The following SLC24A2 variants were observed in gnomAD, a reference collection of about 807,000 sequenced individuals.
The protein encoded by SLC24A2 is sodium/potassium/calcium exchanger 2.
SLC24A2 carries 36 observed loss-of-function variants against 62.0 expected under a neutral mutation model. The ratio of observed to expected loss-of-function variants is 0.58; its 90% CI spans 0.44 to 0.77. The LOEUF (loss-of-function observed/expected upper bound fraction) is 0.77, where lower values mean the gene tolerates loss of function less well. SLC24A2 is among the 30% of genes least tolerant of loss of function. SLC24A2 has a pLI of 0.00. For missense variants in SLC24A2, 846 were observed against 817.9 expected (o/e 1.03, Z -0.42); for synonymous variants, 358 against 294.0 (o/e 1.22, Z -2.23).
chr9:19,712,140 C>T (rs536424230), intron 2 of SLC24A2, among the ~76,000 whole-genome samples: 8 of 152,160 alleles, frequency 5.3e-5, no homozygotes, highest in Non-Finnish European at 1.0e-4. Context: ...ATACAGAAAA[C>T]GGCTCCAGAG....
the SLC24A2 span, among the ~76,000 whole-genome samples, chr9:20,057,119 T>A: frequency 6.6e-6 from 1 of 152,200 alleles, no homozygotes; most frequent in Non-Finnish European, 1.5e-5. Flanking sequence ...GCATGTGCAT[T>A]TGCATACATC....
chr9:20,011,755 A>T, the SLC24A2 span, among the ~76,000 whole-genome samples: 1 of 152,196 alleles, frequency 6.6e-6, no homozygotes, highest in Non-Finnish European at 1.5e-5. Context: ...ACCAAGACAC[A>T]TCATAAACAA....
the SLC24A2 span, among the ~76,000 whole-genome samples, chr9:20,301,773 A>T: frequency 6.6e-6 from 1 of 152,150 alleles, no homozygotes; most frequent in Non-Finnish European, 1.5e-5. Context: ...CATGGTTTAC[A>T]TTAGGGTTCA....
At chr9:20,252,492 G>A in the SLC24A2 span, among the ~76,000 whole-genome samples, 7 of 152,058 alleles carry the variant, frequency 4.6e-5, no homozygotes, top group Non-Finnish European at 7.4e-5. Context: ...ACTACACCAC[G>A]TGACTTTCAC....
chr9:19,700,675 G>C lies in SLC24A2; in HGVS notation c.931-78376C>G, dbSNP rs1007724081. 2.6e-5 allele frequency among the ~76,000 whole-genome samples: 4 copies of C among 152,110 alleles called. No homozygotes were observed. In the South Asian group the frequency reaches 8.3e-4, roughly 32 times the overall value. ...AAGAACGTCCTTGCTTTGGTAGGCT[G>C]AAATTATTTCAGCAATTAGATCTCC... is the stretch of plus-strand genomic sequence containing the variant. On this transcript the variant is annotated intron_variant, in intron 2 of 10. Coordinates refer to ENST00000341998, the MANE Select transcript of SLC24A2 (RefSeq NM_020344.4).
the SLC24A2 span, among the ~76,000 whole-genome samples, chr9:19,963,059 C>A: frequency 2.0e-5 from 3 of 152,020 alleles, no homozygotes; most frequent in Non-Finnish European, 1.5e-5. Flanking sequence ...TCAGAAATAA[C>A]GCCGCATATC....
the SLC24A2 span, among the ~76,000 whole-genome samples, chr9:19,966,344 C>T: frequency 6.6e-6 from 1 of 152,062 alleles, no homozygotes; most frequent in Non-Finnish European, 1.5e-5. Context: ...TATTTGTGTG[C>T]ATATAATAAT....
the SLC24A2 span, among the ~76,000 whole-genome samples, chr9:20,179,336 G>A: frequency 6.6e-6 from 1 of 152,136 alleles, no homozygotes; most frequent in Non-Finnish European, 1.5e-5. Flanking sequence ...AAGCACGCTA[G>A]AGAATGAGAA....
intron 2 of SLC24A2, among the ~76,000 whole-genome samples, chr9:19,716,020 A>G (rs1820850588): frequency 1.3e-5 from 2 of 152,230 alleles, no homozygotes; most frequent in African/African-American, 2.4e-5. Context: ...TGGGCAAAAT[A>G]TACAACTTAC....
intron 2 of SLC24A2, among the ~76,000 whole-genome samples, chr9:19,706,739 G>C (rs2118565864): frequency 6.6e-6 from 1 of 152,196 alleles, no homozygotes; most frequent in South Asian, 2.1e-4. Context: ...CAGAACCTCT[G>C]GGACACATTC....
chr9:20,007,113 T>C, the SLC24A2 span, among the ~76,000 whole-genome samples: 2 of 152,166 alleles, frequency 1.3e-5, no homozygotes, highest in Non-Finnish European at 2.9e-5. Context: ...AGATGACAGC[T>C]GATAAAGTTT....
the SLC24A2 span, among the ~76,000 whole-genome samples, chr9:20,231,988 A>G: frequency 6.6e-6 from 1 of 152,192 alleles, no homozygotes; most frequent in Non-Finnish European, 1.5e-5. Context: ...ATCTATTGAG[A>G]TAATCATGTG....
chr9:20,273,152 C>A, the SLC24A2 span, among the ~76,000 whole-genome samples: 714 of 152,296 alleles, frequency 4.7e-3, 10 homozygotes, highest in Non-Finnish European at 5.4e-3. Flanking sequence ...GAGCACAGGA[C>A]ACACTGCCCC....
At chr9:20,273,824 C>T in the SLC24A2 span, among the ~76,000 whole-genome samples, 1 of 152,214 alleles carries the variant, frequency 6.6e-6, no homozygotes, top group Non-Finnish European at 1.5e-5. Flanking sequence ...ACACAACTAT[C>T]CATTCTCCAT....
At chr9:20,006,917 C>G in the SLC24A2 span, among the ~76,000 whole-genome samples, 1 of 152,118 alleles carries the variant, frequency 6.6e-6, no homozygotes, top group Non-Finnish European at 1.5e-5. Flanking sequence ...AAAAGCATTA[C>G]TGTGAGGATA....
intron 5 of SLC24A2, among the ~76,000 whole-genome samples, chr9:19,593,624 G>T (rs9792671): frequency 3.9e-5 from 6 of 152,130 alleles, no homozygotes; most frequent in Non-Finnish European, 8.8e-5. Context: ...TGTCCACACC[G>T]TGATGCCCTC....
the SLC24A2 span, among the ~76,000 whole-genome samples, chr9:20,116,761 C>T: frequency 1.3e-5 from 2 of 152,114 alleles, no homozygotes; most frequent in Admixed American, 6.6e-5. Flanking sequence ...TCAGTAACTA[C>T]TTATTGATCA....
At chr9:19,850,661 T>C in the SLC24A2 span, among the ~76,000 whole-genome samples, 1 of 152,034 alleles carries the variant, frequency 6.6e-6, no homozygotes, top group Non-Finnish European at 1.5e-5. Flanking sequence ...ATCTGTGCTT[T>C]GTTTTTATAA....
intron 2 of SLC24A2, among the ~76,000 whole-genome samples, chr9:19,701,072 G>A (rs1488616562): frequency 1.3e-5 from 2 of 152,170 alleles, no homozygotes; most frequent in East Asian, 3.8e-4. Context: ...TTGAAATCTG[G>A]TCTACCTTGT....
Sources: gnomAD v4.1 joint callset for allele counts (sites outside exome capture counted in the v4.1 genomes callset) on GRCh38, gnomAD v4.1.1 for gene constraint, MANE v1.5 for transcripts, NCBI Gene and HGNC (gene_info 2026-07-23, HGNC 2026-07-21) for gene names.